Variants in SLC30A8 observed in about 807,000 individuals in gnomAD.
SLC30A8 encodes the protein solute carrier family 30 member 8.
SLC30A8 carries 27 observed loss-of-function variants against 36.9 expected under a neutral mutation model. The ratio of observed to expected loss-of-function variants is 0.73; its 90% CI spans 0.54 to 1.01. The LOEUF (loss-of-function observed/expected upper bound fraction) is 1.01. Ranked by LOEUF, SLC30A8 falls within the 50% of genes least tolerant of loss-of-function variation. The probability of loss-of-function intolerance (pLI) is 0.00; values close to 1 mark genes in which losing one functional copy is unlikely to be tolerated. For missense variants in SLC30A8, 439 were observed against 452.0 expected (o/e 0.97, Z 0.26); for synonymous variants, 164 against 172.4 (o/e 0.95, Z 0.38).
intron 1 of SLC30A8, among the ~76,000 whole-genome samples, chr8:117,022,025 C>T (rs934776141): frequency 1.3e-5 from 2 of 151,458 alleles, no homozygotes; most frequent in Non-Finnish European, 2.9e-5. Flanking sequence ...AAGGTAAGTT[C>T]CTTCTCTACT....
intron 1 of SLC30A8, among the ~76,000 whole-genome samples, chr8:116,968,896 C>G (rs1814689637): frequency 6.6e-6 from 1 of 152,010 alleles, no homozygotes; most frequent in Admixed American, 6.5e-5. Context: ...ACCACCATGC[C>G]TAGCTAATTT....
At chr8:116,959,573 G>GT (rs201811439) in intron 1 of SLC30A8, among the ~76,000 whole-genome samples, 2,042 of 152,036 alleles carry the variant, frequency 0.013, 31 homozygotes, top group Non-Finnish European at 0.021. Flanking sequence ...TATTCTTGCA[G>GT]TTTTTTTTCT....
At chr8:117,018,577 C>T (rs17744969) in intron 1 of SLC30A8, among the ~76,000 whole-genome samples, 16,503 of 151,672 alleles carry the variant, frequency 0.11, 1,128 homozygotes, top group East Asian at 0.18. Context: ...TGGATAGCTA[C>T]ACTGTGTTGC....
intron 2 of SLC30A8, among the ~76,000 whole-genome samples, chr8:117,074,032 TG>T (rs1337132836): frequency 2.2e-4 from 1 of 4,582 alleles, no homozygotes; most frequent in African/African-American, 8.5e-4. Flanking sequence ...TTGGGGCGGG[TG>T]GGTGGGGGTG....
chr8:116,951,018 G>A (rs1813975271), exon 1 of SLC30A8: 1 of 152,194 alleles, frequency 6.6e-6, no homozygotes, highest in South Asian at 2.1e-4. Flanking sequence ...TGTCTTCCCA[G>A]GATGTCTCTC....
At position 117,167,480 on chromosome 8, in the gene SLC30A8, C is replaced by CATATAT. The variant is rs370309015; in HGVS notation, c.830-3546_830-3541dup. On this transcript the variant is annotated intron_variant, in intron 6 of 7. Coordinates refer to ENST00000456015, the MANE Select transcript of SLC30A8 (RefSeq NM_173851.3). The stretch of plus-strand genomic sequence containing the variant: ...CTTTCCAAAGATATTTGTGCATTTG[C>CATATAT]ATATATATATATACATACATACATG... Among the ~76,000 whole-genome samples, 7 of 121,056 alleles carry CATATAT rather than the reference C, an allele frequency of 5.8e-5. No individual in the cohort carries two copies. In the East Asian group the frequency reaches 8.3e-4, roughly 14 times the overall value. The allele number at this position is 121,056 out of a possible 152,430, so 79.4% of individuals were successfully genotyped here.
At chr8:117,116,239 G>A (rs1445520938) in intron 2 of SLC30A8, among the ~76,000 whole-genome samples, 1 of 151,978 alleles carries the variant, frequency 6.6e-6, no homozygotes, top group Non-Finnish European at 1.5e-5. Flanking sequence ...GAGTGTAATG[G>A]GATGGCACTG....
chr8:116,964,457 G>A (rs1417985086), intron 1 of SLC30A8, among the ~76,000 whole-genome samples: 1 of 152,160 alleles, frequency 6.6e-6, no homozygotes, highest in African/African-American at 2.4e-5. Flanking sequence ...GCTCTAAACT[G>A]TGTTTTAAAA....
intron 2 of SLC30A8, among the ~76,000 whole-genome samples, chr8:117,085,289 T>C (rs1818831160): frequency 6.6e-6 from 1 of 152,198 alleles, no homozygotes; most frequent in Non-Finnish European, 1.5e-5. Flanking sequence ...TTAACAGTAC[T>C]CAGCAGAGTG....
intron 2 of SLC30A8, among the ~76,000 whole-genome samples, chr8:117,070,100 C>T (rs995982273): frequency 1.3e-5 from 2 of 152,164 alleles, no homozygotes; most frequent in African/African-American, 2.4e-5. Context: ...TGAAATCAAT[C>T]AGTGATTCAG....
chr8:117,031,032 G>A (rs568787118), intron 1 of SLC30A8, among the ~76,000 whole-genome samples: 12 of 152,022 alleles, frequency 7.9e-5, no homozygotes, highest in African/African-American at 2.2e-4. Flanking sequence ...TGATCTTCTC[G>A]GAATTTTTGT....
At chr8:117,051,402 G>A (rs1817702354) in intron 2 of SLC30A8, among the ~76,000 whole-genome samples, 1 of 152,166 alleles carries the variant, frequency 6.6e-6, no homozygotes, top group Non-Finnish European at 1.5e-5. Flanking sequence ...TGTTGGAGGC[G>A]GGGCCTCATG....
chr8:117,091,945 G>T (rs1171189967), intron 2 of SLC30A8, among the ~76,000 whole-genome samples: 3 of 152,132 alleles, frequency 2.0e-5, no homozygotes, highest in Non-Finnish European at 4.4e-5. Context: ...AGGCAATGGT[G>T]TTCAAATAAA....
intron 2 of SLC30A8, among the ~76,000 whole-genome samples, chr8:117,042,703 C>G: frequency 6.6e-6 from 1 of 150,678 alleles, no homozygotes; most frequent in Non-Finnish European, 1.5e-5. Context: ...GAGTTTCGCT[C>G]TTTTCACCCA....
chr8:117,097,280 T>G (rs1819412086), intron 2 of SLC30A8, among the ~76,000 whole-genome samples: 1 of 146,170 alleles, frequency 6.8e-6, no homozygotes, highest in Admixed American at 7.1e-5. Context: ...GCGCCTGTAG[T>G]CCCAGCTACT....
At chr8:116,973,485 T>C (rs1814863913) in intron 1 of SLC30A8, among the ~76,000 whole-genome samples, 1 of 152,174 alleles carries the variant, frequency 6.6e-6, no homozygotes, top group Admixed American at 6.5e-5. Context: ...TTACAAGGGA[T>C]GTGAAGGACC....
chr8:116,966,374 C>G (rs1247235635), intron 1 of SLC30A8, among the ~76,000 whole-genome samples: 1 of 152,118 alleles, frequency 6.6e-6, no homozygotes, highest in Non-Finnish European at 1.5e-5. Context: ...TTGCTACTCC[C>G]TTTTCAGTTG....
rs959643931 is a variant in SLC30A8, at chr8:117,076,793, A to G, written c.-226+37535A>G. Reference sequence around the variant, plus strand: ...TCATTTTTTTTTTTTGGCGGCACCTATTAAAGTGCCTGGCAAAGAGGAGGA... The same window carrying G: ...TCATTTTTTTTTTTTGGCGGCACCTGTTAAAGTGCCTGGCAAAGAGGAGGA... On this transcript the variant is annotated intron_variant, in intron 2 of 10. Coordinates refer to the SLC30A8 transcript ENST00000427715. Among the ~76,000 whole-genome samples the G allele has an allele frequency of 3.3e-5, 5 of 150,466 alleles. No homozygotes were observed. The East Asian group carries it at 9.8e-4, about 29-fold the overall frequency.
intron 6 of SLC30A8, among the ~76,000 whole-genome samples, chr8:117,165,396 G>A (rs1823008357): frequency 6.6e-6 from 1 of 152,212 alleles, no homozygotes; most frequent in Non-Finnish European, 1.5e-5. Flanking sequence ...TATCTGCACA[G>A]CAAGATATTC....
Sources: gnomAD v4.1 joint callset for allele counts (sites outside exome capture counted in the v4.1 genomes callset) on GRCh38, gnomAD v4.1.1 for gene constraint, MANE v1.5 for transcripts, NCBI Gene and HGNC (gene_info 2026-07-23, HGNC 2026-07-21) for gene names.